The following OR6C75 variants were observed in gnomAD, a reference collection of about 807,000 sequenced individuals.
The protein encoded by OR6C75 is olfactory receptor 6C75.
For synonymous variants in OR6C75, 149 were observed against 130.6 expected, an observed-to-expected ratio of 1.14 and a Z score of -0.96; for missense variants, 380 against 368.0, an observed-to-expected ratio of 1.03 and a Z score of -0.27.
intron 1 of OR6C75, among the ~76,000 whole-genome samples, 197 bp from the exon 2 acceptor site, chr12:55,363,596 C>G (rs13377995): frequency 0.29 from 44,594 of 151,748 alleles, 7,621 homozygotes; most frequent in East Asian, 0.5. Context: ...GAAGGAGATG[C>G]TCTCTTTTTT....
chr12:55,365,270 C>T lies in OR6C75; in HGVS notation c.160C>T (p.Gln54Ter), dbSNP rs775686185. The T allele has an allele frequency of 6.2e-7, 1 of 1,613,360 alleles. No individual in the cohort carries two copies. ...CCTCACCCTTTCAGATCCCCATCTG[C>T]AGACTCCCATGTATTTCTTCCTTCG... ...ITLTLSDPHL[Q>*]TPMYFFLRNF... Residue 54 changes from glutamine to a stop codon, truncating the protein, a stop_gained, in exon 3 of 3, where the codon CAG (glutamine) becomes TAG (stop). Coordinates refer to ENST00000641576, the MANE Select transcript of OR6C75 (RefSeq NM_001005497.2). LOFTEE classifies it low-confidence loss of function (END_TRUNC).
At chr12:55,363,923 C>G (rs1869726851) in intron 2 of OR6C75, 41 bp downstream of exon 2, 2 of 150,012 alleles carry the variant, frequency 1.3e-5, no homozygotes, top group Admixed American at 6.6e-5. Context: ...TATCTATGTA[C>G]TACAAAACCA....
intron 2 of OR6C75, among the ~76,000 whole-genome samples, 179 bp downstream of exon 2, chr12:55,364,061 C>T (rs1297341059): frequency 1.3e-5 from 2 of 150,738 alleles, no homozygotes; most frequent in South Asian, 2.1e-4. Context: ...TCACTGCAAC[C>T]TCCGCCTCCT....
rs1471470615 is a variant in OR6C75 at position 55,365,337 on chromosome 12, T to C, written c.227T>C (p.Ile76Thr). The C allele has an allele frequency of 1.2e-6, 2 of 1,614,148 alleles. No homozygotes were observed. The highest frequency in any genetic ancestry group is 1.7e-6 in the Non-Finnish European group (2 of 1,179,986). ...GAAATTTCATTCACGTCTGTCTGCA[T>C]TCCCAGATTCCTTGTCACTGTTGTG... ...FLEISFTSVC[I>T]PRFLVTVVTG... The change falls in exon 3 of 3, where the codon ATT becomes ACT. Residue 76 changes from isoleucine to threonine, a missense_variant. By Grantham distance (89) the Ile-to-Thr change is moderately conservative. Transcript: ENST00000641576.
intron 2 of OR6C75, among the ~76,000 whole-genome samples, chr12:55,364,221 A>G (rs1052917562): frequency 6.7e-6 from 1 of 148,664 alleles, no homozygotes; most frequent in Non-Finnish European, 1.5e-5. Flanking sequence ...CAGGTGATCC[A>G]TCTGCCTCAG....
chr12:55,365,782 G>A lies in OR6C75; in HGVS notation c.672G>A (p.Leu224=). The change falls in exon 3 of 3, where the codon CTG becomes CTA. Residue 224 remains leucine, a synonymous_variant. Transcript: ENST00000641576. ...ACACAAACATCATCCGGACAATTCT[G>A]AAAATTCCTTCTATGAGTCAAAGGA... The part of the protein sequence containing the change: ...LSYTNIIRTI[L]KIPSMSQRKK... 6.2e-7 allele frequency: 1 copy of A among 1,613,836 alleles called. No individual in the cohort carries two copies. Among genetic ancestry groups the A allele is most frequent in the South Asian group, 1.1e-5 (1 of 91,052 alleles).
In OR6C75 at chr12:55,366,263, A is replaced by G; in HGVS notation, c.*214A>G. ...TGTTCGCTCTCTCACCTATGTAACTAAATTTTAGGTAAATTAATAATTACT... is the reference window on the plus strand; with the variant it reads ...TGTTCGCTCTCTCACCTATGTAACTGAATTTTAGGTAAATTAATAATTACT... On this transcript the variant is annotated 3_prime_UTR_variant, in exon 3 of 3. Coordinates refer to ENST00000641576, the MANE Select transcript of OR6C75 (RefSeq NM_001005497.2). The G allele has an allele frequency of 2.4e-6, 1 of 409,468 alleles. No homozygotes were observed. The highest frequency in any genetic ancestry group is 4.3e-6 in the Non-Finnish European group (1 of 230,358). 25.4% of individuals were successfully genotyped at this position (409,468 alleles called of 1,614,324 possible).
At position 55,366,074 on chromosome 12, in the gene OR6C75, C is replaced by A. The variant is rs113835522; in HGVS notation, c.*25C>A. On this transcript the variant is annotated 3_prime_UTR_variant, in exon 3 of 3. Transcript: ENST00000641576. ...AATGTGATTATGTAAAAAATGTACC[C>A]CCAAAGGCAAAGCTGAATGAAAAAC... 1 of 1,410,710 alleles carries A rather than the reference C, an allele frequency of 7.1e-7. No individual in the cohort carries two copies. The highest frequency in any genetic ancestry group is 1.4e-5 in the South Asian group (1 of 73,264). 87.4% of individuals were successfully genotyped at this position (1,410,710 alleles called of 1,614,324 possible). A position where few individuals can be genotyped will look rare whatever the true frequency, so the allele number is the denominator to read the frequency against.
Position 55,366,070 on chromosome 12 carries a change from T to C in OR6C75, c.*21T>C, listed in dbSNP as rs1292257185. The C allele has an allele frequency of 6.9e-7, 1 of 1,449,132 alleles. No individual in the cohort carries two copies. Among genetic ancestry groups the C allele is most frequent in the East Asian group, 2.3e-5 (1 of 43,804 alleles). 89.8% of individuals were successfully genotyped at this position (1,449,132 alleles called of 1,614,324 possible). ...AATGAATGTGATTATGTAAAAAATG[T>C]ACCCCCAAAGGCAAAGCTGAATGAA... On this transcript the variant is annotated 3_prime_UTR_variant, in exon 3 of 3. Transcript: ENST00000641576.
At chr12:55,363,611 T>C (rs1477762940) in intron 1 of OR6C75, among the ~76,000 whole-genome samples, 182 bp from the exon 2 acceptor site, 1 of 152,030 alleles carries the variant, frequency 6.6e-6, no homozygotes, top group Non-Finnish European at 1.5e-5. Flanking sequence ...TTTTTTTCTT[T>C]TCTTTTGAAT....
In OR6C75 at chr12:55,365,261, C is replaced by A. The variant is rs1390579846; in HGVS notation, c.151C>A (p.Pro51Thr). Residue 51 changes from proline (P) to threonine (T), a missense_variant, in exon 3 of 3, where the codon CCC becomes ACC. Physicochemically the swap from Pro to Thr is conservative, Grantham distance 38 (BLOSUM62 -1). Coordinates refer to ENST00000641576, the MANE Select transcript of OR6C75 (RefSeq NM_001005497.2). Reference sequence around the variant, plus strand: ...CATTATCACCCTCACCCTTTCAGATCCCCATCTGCAGACTCCCATGTATTT... The same window carrying A: ...CATTATCACCCTCACCCTTTCAGATACCCATCTGCAGACTCCCATGTATTT... ...LIIITLTLSDPHLQTPMYFFL... is the reference protein window; with the variant it reads ...LIIITLTLSDTHLQTPMYFFL... The A allele has an allele frequency of 2.0e-5, 33 of 1,612,800 alleles. No homozygotes were observed. The highest frequency in any genetic ancestry group is 2.7e-5 in the Non-Finnish European group (32 of 1,179,498).
rs1270424483 is a variant in OR6C75 at position 55,366,853 on chromosome 12, A to G, written c.*804A>G. On this transcript the variant is annotated 3_prime_UTR_variant, in exon 3 of 3. Coordinates refer to ENST00000641576, the MANE Select transcript of OR6C75 (RefSeq NM_001005497.2). ...CCTTTGATAATATTTCCTTAAAAAT[A>G]GATTATTTAACAGAGAACTTTTCTG... 6.6e-6 allele frequency: 1 copy of G among 152,196 alleles called. No homozygotes were observed. Among genetic ancestry groups the G allele is most frequent in the Non-Finnish European group, 1.5e-5 (1 of 68,026 alleles). 9.4% of individuals were successfully genotyped at this position (152,196 alleles called of 1,614,324 possible). A position where few individuals can be genotyped will look rare whatever the true frequency, so the allele number is the denominator to read the frequency against.
intron 2 of OR6C75, 88 bp downstream of exon 2, chr12:55,363,970 T>C (rs1221956038): frequency 6.8e-6 from 1 of 147,802 alleles, no homozygotes; most frequent in Non-Finnish European, 1.5e-5. Context: ...ATGAAGTTTT[T>C]TAAAGTCCTT....
In OR6C75 at chr12:55,364,384, G is replaced by GGTGCGATCTCAGCTCACTGCAACCTCC. The variant is rs1239984778; in HGVS notation, c.-235-491_-235-465dup. Among the ~76,000 whole-genome samples, 4 of 121,050 alleles carry GGTGCGATCTCAGCTCACTGCAACCTCC rather than the reference G, an allele frequency of 3.3e-5. No homozygotes were observed. In the South Asian group the frequency reaches 8.0e-4, roughly 24 times the overall value. 79.4% of individuals were successfully genotyped at this position (121,050 alleles called of 152,430 possible). ...CTTGTCGCCCAGGCTGGAGTGCAAT[G>GGTGCGATCTCAGCTCACTGCAACCTCC]GTGCGATCTCAGCTCACTGCAACCT... On this transcript the variant is annotated intron_variant, in intron 2 of 2. Transcript: ENST00000641576.
Position 55,365,205 on chromosome 12 carries a change from C to T in OR6C75, c.95C>T (p.Thr32Ile). The T allele has an allele frequency of 6.2e-7, 1 of 1,612,472 alleles. No homozygotes were observed. Among genetic ancestry groups the T allele is most frequent in the South Asian group, 1.1e-5 (1 of 90,754 alleles). The change falls in exon 3 of 3, where the codon ACC becomes ATC. Residue 32 changes from threonine to isoleucine, a missense_variant. Physicochemically the swap from Thr to Ile is moderately conservative, Grantham distance 89. Coordinates refer to ENST00000641576, the MANE Select transcript of OR6C75 (RefSeq NM_001005497.2). ...QVVLFIFLLV[T>I]YMLSVTGNLI... ...GTACTTTTCATATTTCTTCTTGTTA[C>T]CTACATGTTAAGTGTGACTGGGAAC... is the stretch of plus-strand genomic sequence containing the variant.
chr12:55,365,441 T>A lies in OR6C75; in HGVS notation c.331T>A (p.Tyr111Asn). The change falls in exon 3 of 3, where the codon TAC (tyrosine) becomes AAC (asparagine). Residue 111 changes from tyrosine (Y) to asparagine (N), a missense_variant. Physicochemically the swap from Tyr to Asn is moderately radical, Grantham distance 143. Transcript: ENST00000641576. ...FFIFLGVTEF[Y>N]LLAAMSYDRC... The stretch of plus-strand genomic sequence containing the variant: ...CATCTTCTTGGGGGTGACAGAATTT[T>A]ACCTTCTGGCTGCCATGTCCTATGA... 1 of 1,614,108 alleles carries A rather than the reference T, an allele frequency of 6.2e-7. No individual in the cohort carries two copies. The highest frequency in any genetic ancestry group is 2.2e-5 in the East Asian group (1 of 44,874).
In OR6C75 at chr12:55,365,437, A is replaced by C; in HGVS notation, c.327A>C (p.Glu109Asp). The change falls in exon 3 of 3, where the codon GAA becomes GAC. Residue 109 changes from glutamate to aspartate, a missense_variant. By Grantham distance (45) the Glu-to-Asp change is conservative. Transcript: ENST00000641576. ...LFFFIFLGVT[E>D]FYLLAAMSYD... ...TTTTCATCTTCTTGGGGGTGACAGA[A>C]TTTTACCTTCTGGCTGCCATGTCCT... The C allele has an allele frequency of 1.9e-6, 3 of 1,613,866 alleles. No homozygotes were observed. The highest frequency in any genetic ancestry group is 2.5e-6 in the Non-Finnish European group (3 of 1,179,958).
Position 55,365,913 on chromosome 12 carries a change from T to C in OR6C75, c.803T>C (p.Leu268Ser). 1 of 1,614,008 alleles carries C rather than the reference T, an allele frequency of 6.2e-7. No homozygotes were observed. Among genetic ancestry groups the C allele is most frequent in the African/African-American group, 1.3e-5 (1 of 75,038 alleles). Residue 268 changes from leucine (L) to serine (S), a missense_variant, in exon 3 of 3, where the codon TTA (leucine) becomes TCA (serine). Transcript: ENST00000641576. ...IKTSARERVT[L>S]SKGVAVLNTS... Reference sequence around the variant, plus strand: ...ACTTCTGCCAGAGAAAGGGTGACTTTAAGCAAAGGAGTAGCTGTGCTCAAT... The same window carrying C: ...ACTTCTGCCAGAGAAAGGGTGACTTCAAGCAAAGGAGTAGCTGTGCTCAAT...
At position 55,366,028 on chromosome 12, in the gene OR6C75, G is replaced by T. The variant is rs375776998; in HGVS notation, c.918G>T (p.Met306Ile). 1.3e-6 allele frequency: 2 copies of T among 1,566,556 alleles called. No homozygotes were observed. The highest frequency in any genetic ancestry group is 1.2e-5 in the South Asian group (1 of 83,970). ...CCTTCAAGAGCATGGTCCAGAAGAT[G>T]ATTTTTTCTTTAAATAAATGAATGT... ...KQAFKSMVQK[M>I]IFSLNK The change falls in exon 3 of 3, where the codon ATG becomes ATT. Residue 306 changes from methionine to isoleucine, a missense_variant. Physicochemically the swap from Met to Ile is conservative, Grantham distance 10. Transcript: ENST00000641576.
Sources: allele counts gnomAD v4.1 joint callset (sites outside exome capture counted in the v4.1 genomes callset), GRCh38; gene constraint gnomAD v4.1.1; transcripts MANE v1.5; gene names NCBI Gene and HGNC (gene_info 2026-07-23, HGNC 2026-07-21).